The following LNP1 variants were observed in gnomAD, a reference collection of about 807,000 sequenced individuals.
The protein encoded by LNP1 is leukemia NUP98 fusion partner 1.
In LNP1, 12 loss-of-function variants were observed where a neutral mutation model predicts 14.5. That is an observed-to-expected ratio of 0.83 (90% CI 0.53 to 1.34). The LOEUF is 1.34. Ranked by LOEUF, LNP1 falls within the 40% of genes most tolerant of loss-of-function variation. The pLI, the probability that LNP1 is intolerant of heterozygous loss-of-function variation, is 0.00. For missense variants in LNP1, 198 were observed against 210.9 expected (o/e 0.94, Z 0.38); for synonymous variants, 75 against 71.4 (o/e 1.05, Z -0.26).
intron 2 of LNP1, among the ~76,000 whole-genome samples, chr3:100,449,721 T>C (rs1381770051): frequency 6.6e-6 from 1 of 152,062 alleles, no homozygotes; most frequent in Non-Finnish European, 1.5e-5. Context: ...ATAACACATA[T>C]ACACACACAT....
At chr3:100,403,590 AGTAGCTGGGATTATAGGC>A (rs1706934027) in intron 1 of LNP1, among the ~76,000 whole-genome samples, 2 of 151,752 alleles carry the variant, frequency 1.3e-5, no homozygotes, top group Non-Finnish European at 2.9e-5. Flanking sequence ...TCAGCGTCCC[AGTAGCTGGGATTATAGGC>A]GGCTGCTACC....
intron 2 of LNP1, among the ~76,000 whole-genome samples, chr3:100,432,861 AG>A (rs1398072431): frequency 1.3e-5 from 2 of 152,124 alleles, no homozygotes; most frequent in Non-Finnish European, 2.9e-5. Flanking sequence ...GGCTCGTGGA[AG>A]GGAAGACTGT....
At chr3:100,413,321 A>G (rs538938909) in intron 1 of LNP1, among the ~76,000 whole-genome samples, 3 of 152,322 alleles carry the variant, frequency 2.0e-5, no homozygotes, top group African/African-American at 7.2e-5. Flanking sequence ...CCATCAAAGC[A>G]TCAGTTGAGT....
intron 1 of LNP1, among the ~76,000 whole-genome samples, chr3:100,428,696 A>G (rs1260256973): frequency 2.6e-5 from 4 of 152,206 alleles, no homozygotes; most frequent in Non-Finnish European, 5.9e-5. Flanking sequence ...AAAAGCCCCA[A>G]CTAGAAGTAA....
Position 100,451,964 on chromosome 3 carries a change from T to C in LNP1, c.387+15T>C, listed in dbSNP as rs773876320. On this transcript the variant is annotated intron_variant, in intron 3 of 3. Coordinates refer to ENST00000383693, the MANE Select transcript of LNP1 (RefSeq NM_001085451.2). ...CTGCCTCTTTGGTATGTAACAGAGC[T>C]ACTGAATATTTAAGCCGCTTTAAAA... 1 of 1,553,552 alleles carries C rather than the reference T, an allele frequency of 6.4e-7. No individual in the cohort carries two copies. Among genetic ancestry groups the C allele is most frequent in the Non-Finnish European group, 8.8e-7 (1 of 1,140,182 alleles).
At chr3:100,421,013 C>G (rs1332991859) in intron 1 of LNP1, among the ~76,000 whole-genome samples, 3 of 151,826 alleles carry the variant, frequency 2.0e-5, no homozygotes. Context: ...GAGTCTTGCT[C>G]TGTTTCCCAG....
intron 2 of LNP1, among the ~76,000 whole-genome samples, chr3:100,445,325 A>T (rs945909014): frequency 3.9e-5 from 6 of 152,146 alleles, no homozygotes; most frequent in African/African-American, 1.4e-4. Context: ...AGCCCTTACA[A>T]TTTCACACAC....
intron 1 of LNP1, among the ~76,000 whole-genome samples, chr3:100,418,059 ATT>A (rs1553740895): frequency 7.8e-5 from 9 of 115,606 alleles, no homozygotes; most frequent in Admixed American, 1.7e-4. Context: ...TTCTCATACC[ATT>A]TTTTTTTTTT....
intron 3 of LNP1, among the ~76,000 whole-genome samples, chr3:100,455,080 A>G (rs2148909482): frequency 6.6e-6 from 1 of 152,332 alleles, no homozygotes; most frequent in South Asian, 2.1e-4. Flanking sequence ...ACCCTCCAGT[A>G]GGTCCCTATC....
At chr3:100,431,433 T>C (rs1707241130) in intron 2 of LNP1, among the ~76,000 whole-genome samples, 1 of 152,220 alleles carries the variant, frequency 6.6e-6, no homozygotes, top group Non-Finnish European at 1.5e-5. Context: ...TTAACCTGTT[T>C]AGATTCTCTG....
intron 2 of LNP1, among the ~76,000 whole-genome samples, chr3:100,448,339 G>T (rs567673562): frequency 6.6e-6 from 1 of 152,240 alleles, no homozygotes; most frequent in Admixed American, 6.5e-5. Context: ...ACTGCCTGTG[G>T]ACTAGACTGC....
chr3:100,448,635 C>T (rs1182902452), intron 2 of LNP1, among the ~76,000 whole-genome samples: 1 of 152,076 alleles, frequency 6.6e-6, no homozygotes, highest in Non-Finnish European at 1.5e-5. Flanking sequence ...TTAAAGTTAG[C>T]TTACTTATTA....
intron 3 of LNP1, among the ~76,000 whole-genome samples, chr3:100,452,204 T>C (rs896828867): frequency 2.1e-5 from 3 of 144,228 alleles, no homozygotes; most frequent in Admixed American, 6.9e-5. Context: ...TTTTCTTTCT[T>C]TTTTTTTTTT....
rs577456740 is a variant in LNP1, at chr3:100,451,908, G to C, written c.346G>C (p.Glu116Gln). The C allele has an allele frequency of 1.0e-4, 169 of 1,613,322 alleles. No homozygotes were observed. The South Asian group carries it at 1.8e-3, about 17-fold the overall frequency. Reference protein sequence around the residue: ...SKIEKFSESFERQLCFRTKRS... With the variant: ...SKIEKFSESFQRQLCFRTKRS... ...AATTGAGAAATTTTCAGAGTCCTTT[G>C]AACGGCAACTGTGCTTTAGAACCAA... is the stretch of plus-strand genomic sequence containing the variant. Residue 116 changes from glutamate (E) to glutamine (Q), a missense_variant, in exon 3 of 4, where the codon GAA (glutamate) becomes CAA (glutamine). Glu to Gln is a conservative substitution (Grantham distance 29). Coordinates refer to ENST00000383693, the MANE Select transcript of LNP1 (RefSeq NM_001085451.2).
At chr3:100,428,339 CTGGCCAACA>C (rs1424303947) in intron 1 of LNP1, among the ~76,000 whole-genome samples, 4 of 152,028 alleles carry the variant, frequency 2.6e-5, no homozygotes, top group Non-Finnish European at 5.9e-5. Flanking sequence ...TGAGACAAGC[CTGGCCAACA>C]TGGTGAAACC....
intron 1 of LNP1, among the ~76,000 whole-genome samples, chr3:100,414,022 A>G (rs757190141): frequency 2.6e-5 from 4 of 152,108 alleles, no homozygotes; most frequent in Non-Finnish European, 5.9e-5. Flanking sequence ...TTTGAAAAAC[A>G]TTCAAAGCTG....
intron 1 of LNP1, among the ~76,000 whole-genome samples, chr3:100,426,433 A>T (rs1707193251): frequency 6.6e-6 from 1 of 152,222 alleles, no homozygotes; most frequent in South Asian, 2.1e-4. Context: ...AGCAAAGCCA[A>T]GAAGATACAG....
chr3:100,416,718 ATTT>A (rs3082702), intron 1 of LNP1, among the ~76,000 whole-genome samples: 13 of 110,430 alleles, frequency 1.2e-4, no homozygotes, highest in Admixed American at 2.6e-4. Flanking sequence ...TTTTGTTTTG[ATTT>A]TTTTTTTTTT....
At chr3:100,427,903 C>T (rs1707209531) in intron 1 of LNP1, among the ~76,000 whole-genome samples, 1 of 152,212 alleles carries the variant, frequency 6.6e-6, no homozygotes, top group Middle Eastern at 3.2e-3. Flanking sequence ...TAAGCTTTGG[C>T]TACTTTTCCT....
Sources: gnomAD v4.1 joint callset for allele counts (sites outside exome capture counted in the v4.1 genomes callset) on GRCh38, gnomAD v4.1.1 for gene constraint, MANE v1.5 for transcripts, NCBI Gene and HGNC (gene_info 2026-07-23, HGNC 2026-07-21) for gene names.